The following FAM171A1 variants were observed in gnomAD, a reference collection of about 807,000 sequenced individuals.
The protein encoded by FAM171A1 is family with sequence similarity 171 member A1.
A neutral mutation model predicts 74.9 loss-of-function variants in FAM171A1; 23 were observed. The observed-to-expected ratio is 0.31, with a 90% CI of 0.22 to 0.44. The LOEUF is 0.44. FAM171A1 is among the 20% of genes least tolerant of loss of function. FAM171A1 has a pLI of 1.00. For missense variants in FAM171A1, 1,162 were observed against 1,159.2 expected (o/e 1.00, Z -0.03); for synonymous variants, 527 against 505.7 (o/e 1.04, Z -0.57).
chr10:15,331,864 T>TAC (rs1347729499), intron 1 of FAM171A1, among the ~76,000 whole-genome samples: 2 of 117,490 alleles, frequency 1.7e-5, no homozygotes, highest in Admixed American at 8.7e-5. Context: ...TGTGTGTATA[T>TAC]ATATGTGTGT....
At chr10:15,225,860 G>C (rs985822787) in intron 5 of FAM171A1, among the ~76,000 whole-genome samples, 1 of 152,198 alleles carries the variant, frequency 6.6e-6, no homozygotes, top group African/African-American at 2.4e-5. Flanking sequence ...TGGAGGCCTT[G>C]GGATGCTCCT....
At chr10:15,285,690 T>C (rs1014166938) in intron 1 of FAM171A1, among the ~76,000 whole-genome samples, 1 of 152,234 alleles carries the variant, frequency 6.6e-6, no homozygotes, top group African/African-American at 2.4e-5. Flanking sequence ...CCACATGCCA[T>C]GCTTTTTGAG....
intron 1 of FAM171A1, among the ~76,000 whole-genome samples, chr10:15,288,342 G>A (rs761550837): frequency 6.6e-6 from 1 of 152,056 alleles, no homozygotes; most frequent in African/African-American, 2.4e-5. Flanking sequence ...TGGGGAGCAG[G>A]TGGTATTTGG....
intron 3 of FAM171A1, among the ~76,000 whole-genome samples, chr10:15,265,721 G>C (rs1027298634): frequency 2.7e-5 from 4 of 150,402 alleles, no homozygotes; most frequent in African/African-American, 9.8e-5. Context: ...GTCTACCATT[G>C]GCAGGCATAG....
chr10:15,283,755 T>G (rs1192738750), intron 2 of FAM171A1, 123 bp downstream of exon 2: 10 of 921,556 alleles, frequency 1.1e-5, no homozygotes, highest in Non-Finnish European at 1.7e-6. Flanking sequence ...TGGCTAATTT[T>G]AAATTTTTTT....
intron 5 of FAM171A1, among the ~76,000 whole-genome samples, chr10:15,239,089 A>G (rs1178349534): frequency 6.6e-6 from 1 of 152,212 alleles, no homozygotes; most frequent in African/African-American, 2.4e-5. Context: ...TACATCAGAC[A>G]GCCATCTGCT....
intron 1 of FAM171A1, among the ~76,000 whole-genome samples, chr10:15,317,050 A>G (rs1308872136): frequency 6.6e-6 from 1 of 152,002 alleles, no homozygotes; most frequent in Non-Finnish European, 1.5e-5. Context: ...TCTGGGAGAA[A>G]AAAAAAAAAA....
chr10:15,324,701 G>A (rs58514832), intron 1 of FAM171A1, among the ~76,000 whole-genome samples: 34,752 of 151,428 alleles, frequency 0.23, 4,202 homozygotes, highest in Non-Finnish European at 0.26. Context: ...AACCACCAGC[G>A]TGGATTAAAC....
chr10:15,231,981 T>C (rs963792814), intron 5 of FAM171A1, among the ~76,000 whole-genome samples: 50 of 152,152 alleles, frequency 3.3e-4, no homozygotes, highest in African/African-American at 1.1e-3. Flanking sequence ...TAGTCCCAGC[T>C]ACTTAGGAGG....
intron 5 of FAM171A1, among the ~76,000 whole-genome samples, chr10:15,246,854 G>A (rs1191553716): frequency 1.3e-5 from 2 of 152,158 alleles, no homozygotes; most frequent in African/African-American, 4.8e-5. Context: ...GACTTTCAGG[G>A]CACTAGGAAG....
chr10:15,296,340 GATT>G (rs1353392855), intron 1 of FAM171A1, among the ~76,000 whole-genome samples: 1 of 151,872 alleles, frequency 6.6e-6, no homozygotes, highest in African/African-American at 2.4e-5. Context: ...ACATATAACA[GATT>G]ATTTAATATG....
chr10:15,260,048 A>C (rs1454500193), intron 3 of FAM171A1, among the ~76,000 whole-genome samples: 1 of 151,948 alleles, frequency 6.6e-6, no homozygotes, highest in Non-Finnish European at 1.5e-5. Context: ...TCTGGTCTCA[A>C]ACTCCTGGGC....
At chr10:15,352,337 G>A (rs556934342) in intron 1 of FAM171A1, among the ~76,000 whole-genome samples, 1 of 152,248 alleles carries the variant, frequency 6.6e-6, no homozygotes, top group East Asian at 1.9e-4. Flanking sequence ...ATTCTCTCAT[G>A]GACTCTAAGA....
rs897440771 is a variant in FAM171A1, at chr10:15,211,781, T to A, written c.*1134A>T. On this transcript the variant is annotated 3_prime_UTR_variant, in exon 8 of 8. Coordinates refer to ENST00000378116, the MANE Select transcript of FAM171A1 (RefSeq NM_001010924.2). ...TTCTTTTTTTTTTTTAAATTTTTTT[T>A]AATAGTCACATTCAGCTCGCTTGCT... The A allele has an allele frequency of 4.6e-5, 7 of 152,090 alleles. No homozygotes were observed. Among genetic ancestry groups the A allele is most frequent in the Non-Finnish European group, 8.8e-5 (6 of 68,014 alleles). The allele number at this position is 152,090 out of a possible 1,614,324, so 9.4% of individuals were successfully genotyped here. A position where few individuals can be genotyped will look rare whatever the true frequency, so the allele number is the denominator to read the frequency against.
chr10:15,354,674 T>C (rs1488232722), intron 1 of FAM171A1, among the ~76,000 whole-genome samples: 4 of 152,250 alleles, frequency 2.6e-5, no homozygotes, highest in Non-Finnish European at 5.9e-5. Flanking sequence ...CAGCTCCCGC[T>C]GACCCAGCAC....
chr10:15,258,276 G>C (rs1208042783), intron 3 of FAM171A1, among the ~76,000 whole-genome samples: 1 of 151,856 alleles, frequency 6.6e-6, no homozygotes, highest in African/African-American at 2.4e-5. Flanking sequence ...GGCCAGGCTG[G>C]TCTCGATCTC....
chr10:15,361,733 C>G (rs1163093422), intron 1 of FAM171A1, among the ~76,000 whole-genome samples: 1 of 152,138 alleles, frequency 6.6e-6, no homozygotes, highest in Non-Finnish European at 1.5e-5. Context: ...GGATTGGGGA[C>G]AACTTTAATA....
chr10:15,354,431 G>C (rs1275807528), intron 1 of FAM171A1, among the ~76,000 whole-genome samples: 1 of 151,836 alleles, frequency 6.6e-6, no homozygotes, highest in Non-Finnish European at 1.5e-5. Flanking sequence ...GGGAAGCAGA[G>C]GTTGCAGCGC....
At chr10:15,257,207 G>A (rs1834591608) in intron 3 of FAM171A1, among the ~76,000 whole-genome samples, 1 of 152,132 alleles carries the variant, frequency 6.6e-6, no homozygotes, top group South Asian at 2.1e-4. Context: ...CCCAGAGCAG[G>A]GAAGGAAAAG....
Sources: allele counts gnomAD v4.1 joint callset (sites outside exome capture counted in the v4.1 genomes callset), GRCh38; gene constraint gnomAD v4.1.1; transcripts MANE v1.5; gene names NCBI Gene and HGNC (gene_info 2026-07-23, HGNC 2026-07-21).